SHISA7: variants seen among roughly 807,000 people sequenced by gnomAD.
The protein encoded by SHISA7 is protein shisa-7.
Under a neutral mutation model 23.9 loss-of-function variants are expected in SHISA7, and 6 were observed. That is an observed-to-expected ratio of 0.25 (90% CI 0.14 to 0.50). The LOEUF (loss-of-function observed/expected upper bound fraction) is 0.50, where lower values mean the gene tolerates loss of function less well. SHISA7 is among the 20% of genes least tolerant of loss of function. SHISA7 has a pLI of 0.98. For synonymous variants in SHISA7, 386 were observed against 398.3 expected, an observed-to-expected ratio of 0.97 and a Z score of 0.37; for missense variants, 671 against 801.1, an observed-to-expected ratio of 0.84 and a Z score of 1.96.
rs911933741 is a variant in SHISA7, at chr19:55,431,609, C to A, written c.*1547G>T. 6.6e-6 allele frequency: 1 copy of A among 152,096 alleles called. No homozygotes were observed. The highest frequency in any genetic ancestry group is 2.4e-5 in the African/African-American group (1 of 41,354). The allele number at this position is 152,096 out of a possible 1,614,324, so 9.4% of individuals were successfully genotyped here. A position where few individuals can be genotyped will look rare whatever the true frequency, so the allele number is the denominator to read the frequency against. ...ATCCTCAGACATGGGTAACACTTGA[C>A]CCCGGGTGTGGTGCCATCATGAGTG... On this transcript the variant is annotated 3_prime_UTR_variant, in exon 4 of 4. Transcript: ENST00000376325.
Position 55,442,234 on chromosome 19 carries a change from C to A in SHISA7, c.630G>T (p.Ala210=), listed in dbSNP as rs1985614492. ...CCCGGTGCGCCCGGGGCGCACGGGA[C>A]GCCTTGCTGAAGGCCACTTTGGCGC... ...GVGAKVAFSK[A]SRAPRAHRDI... Residue 210 remains alanine (A), a synonymous_variant, in exon 1 of 4, where the codon GCG becomes GCT. Coordinates refer to ENST00000376325, the MANE Select transcript of SHISA7 (RefSeq NM_001145176.2). The A allele has an allele frequency of 3.9e-6, 6 of 1,534,254 alleles. No individual in the cohort carries two copies. Among genetic ancestry groups the A allele is most frequent in the Non-Finnish European group, 5.2e-6 (6 of 1,145,976 alleles).
intron 3 of SHISA7, among the ~76,000 whole-genome samples, chr19:55,435,310 GGT>G (rs372126495): frequency 0.033 from 4,205 of 126,242 alleles, 232 homozygotes; most frequent in African/African-American, 0.11. Context: ...GTGTATATGT[GGT>G]GTGTGTGTGG....
chr19:55,434,545 TGTGTGTATG>T (rs1179480493), intron 3 of SHISA7, among the ~76,000 whole-genome samples: 2 of 123,150 alleles, frequency 1.6e-5, no homozygotes, highest in Non-Finnish European at 3.4e-5. Context: ...TGTGTGGTTG[TGTGTGTATG>T]GTGTGTGTGG....
intron 3 of SHISA7, among the ~76,000 whole-genome samples, chr19:55,437,325 T>C (rs1985488349): frequency 1.3e-5 from 2 of 152,200 alleles, no homozygotes; most frequent in African/African-American, 4.8e-5. Context: ...ACATGTTTTT[T>C]TCCTTTAGCT....
chr19:55,441,349 T>G (rs1012089877), intron 1 of SHISA7, among the ~76,000 whole-genome samples: 3 of 152,168 alleles, frequency 2.0e-5, no homozygotes, highest in South Asian at 4.1e-4. Context: ...AATGGACAGA[T>G]GGCATCACGC....
Position 55,440,604 on chromosome 19 carries a change from C to G in SHISA7, c.826+7G>C. 1.6e-6 allele frequency: 2 copies of G among 1,249,676 alleles called. No homozygotes were observed. Among genetic ancestry groups the G allele is most frequent in the Non-Finnish European group, 2.0e-6 (2 of 988,150 alleles). The allele number at this position is 1,249,676 out of a possible 1,614,324, so 77.4% of individuals were successfully genotyped here. On this transcript the variant is annotated splice_region_variant and intron_variant, in intron 2 of 3. Coordinates refer to ENST00000376325, the MANE Select transcript of SHISA7 (RefSeq NM_001145176.2). ...GGAGGCTGCGCCGGATCCCACGTTC[C>G]ACTCACCGAGGTTGGGGGTCTTCAC...
In SHISA7 at chr19:55,431,121, C is replaced by T. The variant is rs987778960; in HGVS notation, c.*2035G>A. 6.6e-6 allele frequency: 1 copy of T among 152,136 alleles called. No individual in the cohort carries two copies. The highest frequency in any genetic ancestry group is 1.5e-5 in the Non-Finnish European group (1 of 68,038). 9.4% of individuals were successfully genotyped at this position (152,136 alleles called of 1,614,324 possible). On this transcript the variant is annotated 3_prime_UTR_variant, in exon 4 of 4. Coordinates refer to ENST00000376325, the MANE Select transcript of SHISA7 (RefSeq NM_001145176.2). ...GATAACACCATAGTTGAAGTGGATA[C>T]TGGGAGGTAGTGGCACATGTTTGAA...
chr19:55,434,519 G>A (rs1985325313), intron 3 of SHISA7, among the ~76,000 whole-genome samples: 1 of 136,580 alleles, frequency 7.3e-6, no homozygotes, highest in South Asian at 2.5e-4. Flanking sequence ...TGGTGTGTGT[G>A]TGGTTGTGTG....
At chr19:55,434,548 GT>G (rs1281469667) in intron 3 of SHISA7, among the ~76,000 whole-genome samples, 73 of 130,428 alleles carry the variant, frequency 5.6e-4, no homozygotes, top group African/African-American at 2.0e-3. Flanking sequence ...GTGGTTGTGT[GT>G]GTATGGTGTG....
rs1261074624 is a variant in SHISA7 at position 55,433,727 on chromosome 19, A to AG, written c.1045dup (p.Leu349ProfsTer252). The AG allele has an allele frequency of 6.8e-7, 1 of 1,472,582 alleles. No individual in the cohort carries two copies. Among genetic ancestry groups the AG allele is most frequent in the African/African-American group, 1.5e-5 (1 of 68,112 alleles). The allele number at this position is 1,472,582 out of a possible 1,614,324, so 91.2% of individuals were successfully genotyped here. A position where few individuals can be genotyped will look rare whatever the true frequency, so the allele number is the denominator to read the frequency against. On this transcript the variant is annotated frameshift_variant, in exon 4 of 4. Coordinates refer to ENST00000376325, the MANE Select transcript of SHISA7 (RefSeq NM_001145176.2). LOFTEE classifies it low-confidence loss of function (END_TRUNC). The surrounding 1 kb of genome is among the most constrained non-coding windows in gnomAD (Gnocchi z 8.4). ...CGTGCCCGGCCGCCGCAGCGCGTGCAGGGGCAGCGTGCCGCGGGGCAATTC... is the reference window on the plus strand; with the variant it reads ...CGTGCCCGGCCGCCGCAGCGCGTGCAGGGGGCAGCGTGCCGCGGGGCAATTC...
chr19:55,437,697 G>C lies in SHISA7; in HGVS notation c.884C>G (p.Ser295Cys), dbSNP rs1205220864. ...PSLHYSTLSCSRSFHNLSHLP... is the reference protein window; with the variant it reads ...PSLHYSTLSCCRSFHNLSHLP... ...ATGCGAGAGGTTGTGGAAGGACCGA[G>C]AGCAGGACAGCGTGGAGTAGTGCAA... The change falls in exon 3 of 4, where the codon TCT becomes TGT. Residue 295 changes from serine (S) to cysteine (C), a missense_variant. By Grantham distance (112) the Ser-to-Cys change is moderately radical. This residue lies in a region of SHISA7 where 457 missense variants were observed against 488.3 expected (regional missense o/e 0.94). Coordinates refer to ENST00000376325, the MANE Select transcript of SHISA7 (RefSeq NM_001145176.2). The C allele has an allele frequency of 6.4e-7, 1 of 1,551,530 alleles. No homozygotes were observed. The highest frequency in any genetic ancestry group is 8.7e-7 in the Non-Finnish European group (1 of 1,146,946).
At chr19:55,437,992 C>T (rs1463255440) in intron 2 of SHISA7, among the ~76,000 whole-genome samples, 2 of 124,330 alleles carry the variant, frequency 1.6e-5, no homozygotes, top group Non-Finnish European at 3.4e-5. Context: ...CAGACCCAGG[C>T]GTCCAGGCCT....
intron 3 of SHISA7, among the ~76,000 whole-genome samples, chr19:55,434,273 T>C (rs1309816614): frequency 6.6e-6 from 1 of 151,358 alleles, no homozygotes; most frequent in Non-Finnish European, 1.5e-5. Context: ...CGTGTGTGTG[T>C]GTGTGGTGGG....
intron 3 of SHISA7, among the ~76,000 whole-genome samples, chr19:55,434,587 GGTGT>G (rs1244313622): frequency 2.5e-5 from 3 of 121,788 alleles, no homozygotes; most frequent in East Asian, 2.7e-4. Context: ...GTGTGTGTGT[GGTGT>G]GTGTGTGGTG....
At chr19:55,434,828 T>A in intron 3 of SHISA7, among the ~76,000 whole-genome samples, 2 of 71,208 alleles carry the variant, frequency 2.8e-5, no homozygotes, top group Non-Finnish European at 5.2e-5. Context: ...TGTATGTGTG[T>A]GTGGTGTGTG....
In SHISA7 at chr19:55,442,907, A is replaced by G; in HGVS notation, c.-44T>C. The G allele has an allele frequency of 8.6e-7, 1 of 1,161,458 alleles. No individual in the cohort carries two copies. The highest frequency in any genetic ancestry group is 1.1e-6 in the Non-Finnish European group (1 of 936,694). The allele number at this position is 1,161,458 out of a possible 1,614,324, so 71.9% of individuals were successfully genotyped here. A position where few individuals can be genotyped will look rare whatever the true frequency, so the allele number is the denominator to read the frequency against. On this transcript the variant is annotated 5_prime_UTR_variant, in exon 1 of 4. Coordinates refer to ENST00000376325, the MANE Select transcript of SHISA7 (RefSeq NM_001145176.2). Reference sequence around the variant, plus strand: ...CACTGGGCCGCCAGGCTGCGGGGAGAACGAGAGCAGAGGTTGGAGCGCTGG... The same window carrying G: ...CACTGGGCCGCCAGGCTGCGGGGAGGACGAGAGCAGAGGTTGGAGCGCTGG...
At position 55,432,996 on chromosome 19, in the gene SHISA7, G is replaced by A. The variant is rs62128227; in HGVS notation, c.*160C>T. Reference sequence around the variant, plus strand: ...GGCTCAAGCAGTGAAGTAATAGGAGGAGGAATCTTGTCTGCCAGGACATCC... The same window carrying A: ...GGCTCAAGCAGTGAAGTAATAGGAGAAGGAATCTTGTCTGCCAGGACATCC... On this transcript the variant is annotated 3_prime_UTR_variant, in exon 4 of 4. Transcript: ENST00000376325. The surrounding 1 kb of genome is among the most constrained non-coding windows in gnomAD (Gnocchi z 4.6). The A allele has an allele frequency of 7.8e-4, 681 of 875,384 alleles. 1 individual carries two copies. The highest frequency in any genetic ancestry group is 1.0e-3 in the Non-Finnish European group (622 of 614,742). 54.2% of individuals were successfully genotyped at this position (875,384 alleles called of 1,614,324 possible). A position where few individuals can be genotyped will look rare whatever the true frequency, so the allele number is the denominator to read the frequency against.
chr19:55,434,422 ATGGTGTG>A (rs1985314580), intron 3 of SHISA7, among the ~76,000 whole-genome samples: 1 of 58,926 alleles, frequency 1.7e-5, no homozygotes, highest in African/African-American at 6.7e-5. Flanking sequence ...GTGTGTGTGT[ATGGTGTG>A]TGTGTGGTGT....
chr19:55,434,568 GT>G, intron 3 of SHISA7, among the ~76,000 whole-genome samples: 1 of 123,488 alleles, frequency 8.1e-6, no homozygotes, highest in Non-Finnish European at 1.7e-5. Context: ...TGTGTGGTGT[GT>G]GTGTATGGTG....
Sources: allele counts gnomAD v4.1 joint callset (sites outside exome capture counted in the v4.1 genomes callset), GRCh38; gene constraint gnomAD v4.1.1; regional missense constraint gnomAD v4.1.1; non-coding constraint Gnocchi (gnomAD v3.1); transcripts MANE v1.5; gene names NCBI Gene and HGNC (gene_info 2026-07-23, HGNC 2026-07-21).